ZMAT4: variants seen among roughly 807,000 people sequenced by gnomAD.
The protein encoded by ZMAT4 is zinc finger matrin-type 4, also known as zinc finger matrin-type protein 4.
ZMAT4 carries 17 observed loss-of-function variants against 28.7 expected under a neutral mutation model. The observed-to-expected ratio is 0.59, with a 90% confidence interval of 0.41 to 0.89. The LOEUF is 0.89. ZMAT4 is among the 40% of genes least tolerant of loss of function. The pLI is 0.00. For synonymous variants in ZMAT4, 117 were observed against 109.2 expected, an observed-to-expected ratio of 1.07 and a Z score of -0.44; for missense variants, 240 against 283.8, an observed-to-expected ratio of 0.85 and a Z score of 1.11.
intron 4 of ZMAT4, among the ~76,000 whole-genome samples, chr8:40,693,087 A>C (rs970036163): frequency 6.6e-6 from 1 of 152,100 alleles, no homozygotes; most frequent in South Asian, 2.1e-4. Flanking sequence ...TATTGGATTA[A>C]AGTGTGCCCT....
At position 40,874,421 on chromosome 8, in the gene ZMAT4, G is replaced by C. The variant is rs150915566; in HGVS notation, c.-5+23262C>G. Among the ~76,000 whole-genome samples, 12 of 152,340 alleles carry C rather than the reference G, an allele frequency of 7.9e-5. 1 individual carries two copies. The highest frequency in any genetic ancestry group is 1.4e-4 in the African/African-American group (6 of 41,582). On this transcript the variant is annotated intron_variant, in intron 1 of 6. Transcript: ENST00000297737. Reference sequence around the variant, plus strand: ...AAGTGTTTGTTTTGGTTAACAAATGGATATAATGTATACTGGGAGTAAATG... The same window carrying C: ...AAGTGTTTGTTTTGGTTAACAAATGCATATAATGTATACTGGGAGTAAATG...
intron 1 of ZMAT4, among the ~76,000 whole-genome samples, chr8:40,865,005 A>T (rs1189634916): frequency 6.6e-6 from 1 of 152,146 alleles, no homozygotes; most frequent in Non-Finnish European, 1.5e-5. Context: ...CATTGCACAC[A>T]GCCCAGAATT....
intron 5 of ZMAT4, among the ~76,000 whole-genome samples, chr8:40,584,701 T>C (rs1272487216): frequency 6.6e-6 from 1 of 152,114 alleles, no homozygotes; most frequent in Non-Finnish European, 1.5e-5. Context: ...TGACATGATG[T>C]CAGCTCACTG....
chr8:40,706,811 C>T (rs1390672231), intron 3 of ZMAT4, among the ~76,000 whole-genome samples: 1 of 152,126 alleles, frequency 6.6e-6, no homozygotes, highest in East Asian at 1.9e-4. Context: ...CCTCATCTCC[C>T]GGCTGCCTGT....
At chr8:40,698,208 G>T (rs994360754) in intron 3 of ZMAT4, among the ~76,000 whole-genome samples, 6 of 152,106 alleles carry the variant, frequency 3.9e-5, no homozygotes, top group African/African-American at 1.4e-4. Flanking sequence ...TTCAGGAAAG[G>T]TGATTCATTA....
At chr8:40,747,455 T>C (rs1812286277) in intron 3 of ZMAT4, among the ~76,000 whole-genome samples, 1 of 152,184 alleles carries the variant, frequency 6.6e-6, no homozygotes, top group Admixed American at 6.5e-5. Context: ...TATTCCTTGG[T>C]TATGATTCGG....
intron 3 of ZMAT4, among the ~76,000 whole-genome samples, chr8:40,701,138 G>A (rs1255354043): frequency 6.6e-6 from 1 of 152,076 alleles, no homozygotes; most frequent in Non-Finnish European, 1.5e-5. Flanking sequence ...CCAACTTGAG[G>A]GTTCAGTAGG....
chr8:40,809,736 ATGACT>A (rs1563499261), intron 2 of ZMAT4, among the ~76,000 whole-genome samples: 1 of 152,144 alleles, frequency 6.6e-6, no homozygotes, highest in Admixed American at 6.6e-5. Context: ...TTAAGATAAG[ATGACT>A]TGATACTATA....
At chr8:40,769,259 TTTTG>T (rs891580688) in intron 2 of ZMAT4, among the ~76,000 whole-genome samples, 52 of 152,318 alleles carry the variant, frequency 3.4e-4, no homozygotes, top group African/African-American at 8.4e-4. Context: ...CTGGAGTTTT[TTTTG>T]TTTGTTTGTT....
chr8:40,652,729 T>A lies in ZMAT4; in HGVS notation c.577+21975A>T, dbSNP rs1023116003. 1.5e-4 allele frequency among the ~76,000 whole-genome samples: 17 copies of A among 112,208 alleles called. 2 individuals carry two copies. The highest frequency in any genetic ancestry group is 5.0e-4 in the African/African-American group (17 of 34,198). 73.6% of individuals were successfully genotyped at this position (112,208 alleles called of 152,430 possible). ...CTGGATTAAGAAAATGTAGCACATA[T>A]ACACCATGGAATACTATGCAGCCAT... On this transcript the variant is annotated intron_variant, in intron 5 of 6. Transcript: ENST00000297737.
At chr8:40,753,892 A>T (rs564599954) in intron 3 of ZMAT4, among the ~76,000 whole-genome samples, 1 of 152,298 alleles carries the variant, frequency 6.6e-6, no homozygotes, top group Non-Finnish European at 1.5e-5. Flanking sequence ...GGCCTGACAC[A>T]TTAAATAGGT....
chr8:40,537,336 A>G (rs566456354), intron 6 of ZMAT4, among the ~76,000 whole-genome samples: 2 of 152,322 alleles, frequency 1.3e-5, no homozygotes, highest in Admixed American at 1.3e-4. Flanking sequence ...AAAACAAATC[A>G]CAAATGTTTT....
chr8:40,738,404 G>A (rs868247082), intron 3 of ZMAT4, among the ~76,000 whole-genome samples: 9 of 152,148 alleles, frequency 5.9e-5, no homozygotes, highest in East Asian at 1.9e-4. Flanking sequence ...TGTGCAAGGC[G>A]GTGGCTGGAC....
At chr8:40,569,005 T>C (rs1004801107) in intron 6 of ZMAT4, among the ~76,000 whole-genome samples, 1 of 152,206 alleles carries the variant, frequency 6.6e-6, no homozygotes, top group Non-Finnish European at 1.5e-5. Flanking sequence ...ATAATCACTT[T>C]GCATTGCCCC....
intron 3 of ZMAT4, among the ~76,000 whole-genome samples, chr8:40,717,085 T>C (rs763459903): frequency 1.3e-5 from 2 of 152,234 alleles, no homozygotes; most frequent in Non-Finnish European, 2.9e-5. Flanking sequence ...ATCTCGTCTA[T>C]AATCCTGTAA....
At chr8:40,827,559 C>T (rs1325309887) in intron 1 of ZMAT4, among the ~76,000 whole-genome samples, 1 of 152,220 alleles carries the variant, frequency 6.6e-6, no homozygotes, top group Non-Finnish European at 1.5e-5. Context: ...TTGGCCCTGG[C>T]TCTAGTGGCT....
At chr8:40,759,716 T>C (rs1191017512) in intron 3 of ZMAT4, among the ~76,000 whole-genome samples, 1 of 152,122 alleles carries the variant, frequency 6.6e-6, no homozygotes, top group African/African-American at 2.4e-5. Context: ...CACATGACAA[T>C]GTTGAACTTC....
intron 5 of ZMAT4, among the ~76,000 whole-genome samples, chr8:40,583,517 G>T (rs138545067): frequency 1.3e-5 from 2 of 152,170 alleles, no homozygotes; most frequent in Admixed American, 1.3e-4. Context: ...TACTTAGCCC[G>T]TATTAAGTAA....
At position 40,727,003 on chromosome 8, in the gene ZMAT4, AGAAGATATTTCG is replaced by A. The variant is rs550322476; in HGVS notation, c.193-29614_193-29603del. On this transcript the variant is annotated intron_variant, in intron 3 of 6. Transcript: ENST00000297737. The stretch of plus-strand genomic sequence containing the variant: ...CACCCTAAGTCATCGGAGAGGTACA[AGAAGATATTTCG>A]GAAGGATACTTTCAAGTACAAGTAC... Among the ~76,000 whole-genome samples the A allele has an allele frequency of 4.6e-5, 7 of 152,356 alleles. No homozygotes were observed. In the South Asian group the frequency reaches 1.5e-3, roughly 32 times the overall value.
Sources: allele counts gnomAD v4.1 joint callset (sites outside exome capture counted in the v4.1 genomes callset), GRCh38; gene constraint gnomAD v4.1.1; transcripts MANE v1.5; gene names NCBI Gene and HGNC (gene_info 2026-07-23, HGNC 2026-07-21).